The following ZNF804B variants were observed in gnomAD, a reference collection of about 807,000 sequenced individuals.
The protein encoded by ZNF804B is zinc finger protein 804B, also known as zinc finger 804B.
ZNF804B carries 80 observed loss-of-function variants against 101.4 expected under a neutral mutation model. That is an observed-to-expected ratio of 0.79 (90% CI 0.66 to 0.95). The LOEUF is 0.95. ZNF804B is among the 40% of genes least tolerant of loss of function. The pLI is 0.00. For synonymous variants in ZNF804B, 622 were observed against 558.8 expected (o/e 1.11, Z -1.59); for missense variants, 1,673 against 1,561.9 (o/e 1.07, Z -1.20).
intron 1 of ZNF804B, among the ~76,000 whole-genome samples, chr7:88,897,678 G>T (rs1792311173): frequency 6.6e-6 from 1 of 152,112 alleles, no homozygotes; most frequent in South Asian, 2.1e-4. Context: ...TTTGTATTCA[G>T]CTTCTCTTCT....
intron 1 of ZNF804B, among the ~76,000 whole-genome samples, chr7:88,912,289 A>T (rs1377551639): frequency 6.6e-6 from 1 of 152,006 alleles, no homozygotes; most frequent in East Asian, 1.9e-4. Flanking sequence ...ATTGACTGTT[A>T]GGAGTTTATT....
intron 1 of ZNF804B, among the ~76,000 whole-genome samples, chr7:88,992,127 G>A (rs528376414): frequency 6.6e-6 from 1 of 152,140 alleles, no homozygotes; most frequent in South Asian, 2.1e-4. Flanking sequence ...GTGAGAATTA[G>A]CCATTGACGG....
chr7:89,227,711 G>A (rs1789116893), intron 2 of ZNF804B, among the ~76,000 whole-genome samples: 1 of 152,114 alleles, frequency 6.6e-6, no homozygotes, highest in Non-Finnish European at 1.5e-5. Flanking sequence ...CTCTGAGAGA[G>A]AGAGAGTGTT....
intron 1 of ZNF804B, among the ~76,000 whole-genome samples, chr7:88,975,460 G>GAA: frequency 6.7e-6 from 1 of 149,256 alleles, no homozygotes; most frequent in South Asian, 2.1e-4. Flanking sequence ...TGTCTTTTAG[G>GAA]AAAAAAAAAG....
chr7:89,277,708 C>T (rs1028160935), intron 2 of ZNF804B, among the ~76,000 whole-genome samples: 1 of 151,512 alleles, frequency 6.6e-6, no homozygotes, highest in African/African-American at 2.4e-5. Flanking sequence ...CATAGTATTC[C>T]ATGGTGTATA....
intron 1 of ZNF804B, among the ~76,000 whole-genome samples, chr7:88,777,786 T>A (rs1359409401): frequency 6.9e-6 from 1 of 145,596 alleles, no homozygotes; most frequent in African/African-American, 2.6e-5. Flanking sequence ...AGGCAGAGGT[T>A]GCAGTGAGCC....
chr7:89,101,622 T>C (rs1271559954), intron 1 of ZNF804B, among the ~76,000 whole-genome samples: 2 of 152,120 alleles, frequency 1.3e-5, no homozygotes, highest in African/African-American at 4.8e-5. Context: ...GAATAATTGA[T>C]TATAAGTAAC....
intron 2 of ZNF804B, among the ~76,000 whole-genome samples, chr7:89,236,894 A>C (rs1468637722): frequency 6.6e-6 from 1 of 152,032 alleles, no homozygotes; most frequent in Non-Finnish European, 1.5e-5. Context: ...GTTTAAATTT[A>C]TTTTTCAGAT....
intron 1 of ZNF804B, among the ~76,000 whole-genome samples, chr7:89,063,248 G>A (rs187821042): frequency 2.0e-5 from 3 of 152,144 alleles, no homozygotes; most frequent in Admixed American, 1.3e-4. Flanking sequence ...GGTTAAATTT[G>A]GGGCATTTTG....
chr7:89,319,623 T>A (rs533608526), intron 2 of ZNF804B, among the ~76,000 whole-genome samples: 1 of 152,236 alleles, frequency 6.6e-6, no homozygotes, highest in African/African-American at 2.4e-5. Context: ...AAACACATAC[T>A]CTAGGACTTT....
intron 1 of ZNF804B, among the ~76,000 whole-genome samples, chr7:89,014,068 TTAG>T (rs2116199140): frequency 6.6e-6 from 1 of 152,256 alleles, no homozygotes; most frequent in South Asian, 2.1e-4. Flanking sequence ...GGATAAATAC[TTAG>T]TAGTGGAATT....
chr7:88,760,830 A>G (rs1202296899), intron 1 of ZNF804B, among the ~76,000 whole-genome samples: 1 of 149,356 alleles, frequency 6.7e-6, no homozygotes, highest in Non-Finnish European at 1.5e-5. Context: ...TTATGTTTTA[A>G]GGCTCCAAAT....
intron 1 of ZNF804B, among the ~76,000 whole-genome samples, chr7:88,978,851 C>T (rs995172505): frequency 7.1e-6 from 1 of 141,202 alleles, no homozygotes; most frequent in Non-Finnish European, 1.6e-5. Flanking sequence ...TCTTTCCTTC[C>T]TTTCTTCCTT....
At chr7:89,249,088 A>G (rs192228472) in intron 2 of ZNF804B, among the ~76,000 whole-genome samples, 35 of 152,094 alleles carry the variant, frequency 2.3e-4, no homozygotes, top group Admixed American at 2.3e-3. Flanking sequence ...TGACACAACA[A>G]GAAGACTTAA....
At chr7:89,038,475 T>G (rs1192596697) in intron 1 of ZNF804B, among the ~76,000 whole-genome samples, 1 of 152,148 alleles carries the variant, frequency 6.6e-6, no homozygotes, top group Non-Finnish European at 1.5e-5. Context: ...TTGAGAAACA[T>G]TTATTCAGGT....
chr7:88,871,559 C>T (rs1375422707), intron 1 of ZNF804B, among the ~76,000 whole-genome samples: 1 of 152,066 alleles, frequency 6.6e-6, no homozygotes, highest in East Asian at 1.9e-4. Context: ...TTTAGTGGAA[C>T]TGAGCAAAAT....
chr7:89,215,327 T>A (rs917929257), intron 1 of ZNF804B, among the ~76,000 whole-genome samples: 1 of 152,202 alleles, frequency 6.6e-6, no homozygotes, highest in Non-Finnish European at 1.5e-5. Flanking sequence ...ATCAATATGA[T>A]ACTTAAAGAA....
chr7:89,107,682 C>T (rs895674589), intron 1 of ZNF804B, among the ~76,000 whole-genome samples: 4 of 152,134 alleles, frequency 2.6e-5, no homozygotes, highest in South Asian at 2.1e-4. Context: ...TTCCTTTACC[C>T]GATGAATCTG....
chr7:89,020,068 G>A (rs1788640752), intron 1 of ZNF804B, among the ~76,000 whole-genome samples: 1 of 152,192 alleles, frequency 6.6e-6, no homozygotes, highest in Admixed American at 6.5e-5. Flanking sequence ...GTTATAAGTT[G>A]TGACAATGCA....
Sources: allele counts gnomAD v4.1 joint callset (sites outside exome capture counted in the v4.1 genomes callset), GRCh38; gene constraint gnomAD v4.1.1; transcripts MANE v1.5; gene names NCBI Gene and HGNC (gene_info 2026-07-23, HGNC 2026-07-21).